Variants in BCAR3 observed in about 807,000 individuals in gnomAD.
BCAR3 encodes breast cancer anti-estrogen resistance protein 3.
BCAR3 carries 37 observed loss-of-function variants against 80.1 expected under a neutral mutation model. That is an observed-to-expected ratio of 0.46 (90% CI 0.36 to 0.61). The LOEUF (loss-of-function observed/expected upper bound fraction) is 0.61, where lower values mean the gene tolerates loss of function less well. Among genes scored for constraint, BCAR3 ranks in the 20% least tolerant of loss-of-function variants. The pLI, the probability that BCAR3 is intolerant of heterozygous loss-of-function variation, is 0.00. For missense variants in BCAR3, 978 were observed against 1,068.2 expected, an observed-to-expected ratio of 0.92 and a Z score of 1.18; for synonymous variants, 389 against 418.9, an observed-to-expected ratio of 0.93 and a Z score of 0.87.
chr1:93,657,231 C>T (rs1647431963), intron 2 of BCAR3, among the ~76,000 whole-genome samples: 1 of 152,012 alleles, frequency 6.6e-6, no homozygotes, highest in African/African-American at 2.4e-5. Flanking sequence ...TGTGTAGAGA[C>T]AATAGGTTTC....
chr1:93,747,982 G>C (rs1485788922), intron 2 of BCAR3, among the ~76,000 whole-genome samples: 1 of 147,774 alleles, frequency 6.8e-6, no homozygotes, highest in Non-Finnish European at 1.5e-5. Context: ...AACCAACCCT[G>C]GTGGTTCATT....
intron 3 of BCAR3, among the ~76,000 whole-genome samples, chr1:93,699,228 G>A (rs1486210449): frequency 1.3e-5 from 2 of 152,194 alleles, no homozygotes; most frequent in Non-Finnish European, 1.5e-5. Flanking sequence ...GTCTGGCTCC[G>A]ACACATGGGG....
intron 3 of BCAR3, among the ~76,000 whole-genome samples, chr1:93,634,015 C>A (rs547031605): frequency 6.6e-6 from 1 of 152,326 alleles, no homozygotes; most frequent in South Asian, 2.1e-4. Context: ...CACTGACAGC[C>A]AACCCCAGTT....
chr1:93,759,847 T>C (rs1651875548), intron 2 of BCAR3, among the ~76,000 whole-genome samples: 1 of 152,204 alleles, frequency 6.6e-6, no homozygotes, highest in African/African-American at 2.4e-5. Flanking sequence ...TAGGTCCCAC[T>C]GTCTACCATG....
At chr1:93,732,796 A>C (rs1034742552) in intron 2 of BCAR3, among the ~76,000 whole-genome samples, 5 of 152,130 alleles carry the variant, frequency 3.3e-5, no homozygotes, top group Non-Finnish European at 7.4e-5. Context: ...GAAAGTAAAG[A>C]GATCTCCCCT....
chr1:93,833,054 T>TACAGGAAACAGG (rs1553175471), intron 2 of BCAR3, among the ~76,000 whole-genome samples: 1 of 152,258 alleles, frequency 6.6e-6, no homozygotes, highest in East Asian at 1.9e-4. Flanking sequence ...AATATTTCAA[T>TACAGGAAACAGG]GTAGGTTCTT....
chr1:93,621,616 T>C (rs1364069892), intron 3 of BCAR3, among the ~76,000 whole-genome samples: 5 of 152,116 alleles, frequency 3.3e-5, no homozygotes, highest in African/African-American at 1.2e-4. Flanking sequence ...TTGAGGCAAG[T>C]AGTATTGCAG....
chr1:93,663,192 C>T (rs765239976), intron 2 of BCAR3, among the ~76,000 whole-genome samples: 1 of 152,218 alleles, frequency 6.6e-6, no homozygotes, highest in African/African-American at 2.4e-5. Flanking sequence ...GTTTCTCTCA[C>T]AAGCCCCTCT....
At chr1:93,585,252 C>T (rs1307068673) in intron 5 of BCAR3, 3 of 973,704 alleles carry the variant, frequency 3.1e-6, no homozygotes, top group Non-Finnish European at 3.7e-6. Flanking sequence ...TGGCACCTGG[C>T]CAGAGCTGCA....
At chr1:93,834,503 T>C (rs947271708) in intron 2 of BCAR3, among the ~76,000 whole-genome samples, 1 of 152,168 alleles carries the variant, frequency 6.6e-6, no homozygotes, top group Non-Finnish European at 1.5e-5. Context: ...CCAACCTTTT[T>C]CATTACACAC....
chr1:93,564,290 CTTTTTTTTTTTT>C (rs35780346), intron 11 of BCAR3, among the ~76,000 whole-genome samples: 60 of 103,702 alleles, frequency 5.8e-4, no homozygotes, highest in African/African-American at 2.0e-3. Flanking sequence ...TTCTTTCTTT[CTTTTTTTTTTTT>C]TTTTTTTTTG....
chr1:93,564,290 CTTT>C (rs35780346), intron 11 of BCAR3, among the ~76,000 whole-genome samples: 54,461 of 103,628 alleles, frequency 0.53, 12,697 homozygotes, highest in Middle Eastern at 0.67. Flanking sequence ...TTCTTTCTTT[CTTT>C]TTTTTTTTTT....
At chr1:93,784,022 G>A (rs915276093) in intron 2 of BCAR3, among the ~76,000 whole-genome samples, 2 of 152,196 alleles carry the variant, frequency 1.3e-5, no homozygotes, top group African/African-American at 4.8e-5. Context: ...CTAATGGAGA[G>A]GCCAATGTGG....
At chr1:93,799,530 T>C (rs1014706269) in intron 2 of BCAR3, among the ~76,000 whole-genome samples, 15 of 152,306 alleles carry the variant, frequency 9.8e-5, no homozygotes, top group Non-Finnish European at 1.9e-4. Context: ...TTATCTGAAT[T>C]TATATGTATT....
chr1:93,567,861 AGGT>A lies in BCAR3; in HGVS notation c.1975-13_1975-11del, dbSNP rs768470498. On this transcript the variant is annotated splice_polypyrimidine_tract_variant and intron_variant, in intron 9 of 11. Coordinates refer to ENST00000260502, the MANE Select transcript of BCAR3 (RefSeq NM_003567.4). ...TTTCTAACCTTGTGATCTGGAAGAA[AGGT>A]GGTGTTTTGGAAAAGGTTCTTTTTA... 1 of 1,607,578 alleles carries A rather than the reference AGGT, an allele frequency of 6.2e-7. No individual in the cohort carries two copies. Among genetic ancestry groups the A allele is most frequent in the Non-Finnish European group, 8.5e-7 (1 of 1,173,992 alleles).
chr1:93,682,304 T>C (rs1216933917), upstream of BCAR3, among the ~76,000 whole-genome samples: 1 of 152,120 alleles, frequency 6.6e-6, no homozygotes, highest in Non-Finnish European at 1.5e-5. Flanking sequence ...GATGATTTGG[T>C]GGGGTGAAAA....
chr1:93,601,169 G>A (rs1175587146), intron 3 of BCAR3, among the ~76,000 whole-genome samples: 1 of 152,152 alleles, frequency 6.6e-6, no homozygotes, highest in Non-Finnish European at 1.5e-5. Flanking sequence ...ATGGATGCTC[G>A]CTTGACACAA....
At chr1:93,769,648 T>C (rs1652284886) in intron 2 of BCAR3, among the ~76,000 whole-genome samples, 1 of 152,138 alleles carries the variant, frequency 6.6e-6, no homozygotes, top group Admixed American at 6.5e-5. Context: ...CTCTCTAAGT[T>C]TGAAGAATTA....
intron 3 of BCAR3, among the ~76,000 whole-genome samples, chr1:93,618,772 G>A (rs1225489099): frequency 1.3e-5 from 2 of 152,114 alleles, no homozygotes; most frequent in East Asian, 3.8e-4. Context: ...GATGATCTTG[G>A]CCTTCTCTGA....
Sources: allele counts gnomAD v4.1 joint callset (sites outside exome capture counted in the v4.1 genomes callset), GRCh38; gene constraint gnomAD v4.1.1; transcripts MANE v1.5; gene names NCBI Gene and HGNC (gene_info 2026-07-23, HGNC 2026-07-21).